ADGB: variants seen among roughly 807,000 people sequenced by gnomAD.
The protein encoded by ADGB is androglobin, also known as calpain-7-like protein.
A neutral mutation model predicts 210.5 loss-of-function variants in ADGB; 172 were observed. That is an observed-to-expected ratio of 0.82 (90% CI 0.72 to 0.93). ADGB has a LOEUF of 0.93. Ranked by LOEUF, ADGB falls within the 40% of genes least tolerant of loss-of-function variation. ADGB has a pLI of 0.00. For synonymous variants in ADGB, 658 were observed against 662.7 expected, an observed-to-expected ratio of 0.99 and a Z score of 0.11; for missense variants, 2,025 against 1,964.8, an observed-to-expected ratio of 1.03 and a Z score of -0.58.
chr6:146,727,985 T>C (rs1776922222), intron 19 of ADGB, among the ~76,000 whole-genome samples: 1 of 152,154 alleles, frequency 6.6e-6, no homozygotes, highest in Admixed American at 6.5e-5. Flanking sequence ...GTTGTTTTGT[T>C]TTGTTTTGTT....
chr6:146,656,824 A>G lies in ADGB; in HGVS notation c.456A>G (p.Gly152=). Residue 152 remains glycine, a synonymous_variant, in exon 5 of 36, where the codon GGA becomes GGG. Coordinates refer to ENST00000397944, the MANE Select transcript of ADGB (RefSeq NM_024694.4). The part of the protein sequence containing the change: ...EIYAVWKIFN[G]GILSNYFKGT... The stretch of plus-strand genomic sequence containing the variant: ...ATGCAGTGTGGAAGATCTTCAATGG[A>G]GGAATTTTGAGCAATTATTTTAAGG... 6.4e-7 allele frequency: 1 copy of G among 1,551,352 alleles called. No homozygotes were observed.
At chr6:146,739,969 G>C (rs749916269) in intron 23 of ADGB, among the ~76,000 whole-genome samples, 1 of 152,156 alleles carries the variant, frequency 6.6e-6, no homozygotes, top group Non-Finnish European at 1.5e-5. Context: ...CATGCAGGAG[G>C]AAAGCCAGCA....
intron 1 of ADGB, among the ~76,000 whole-genome samples, chr6:146,629,396 A>G: frequency 6.6e-6 from 1 of 152,164 alleles, no homozygotes; most frequent in South Asian, 2.1e-4. Flanking sequence ...CTAGTAGGAG[A>G]CACCTCTAAT....
At position 146,773,325 on chromosome 6, in the gene ADGB, G is replaced by T. The variant is rs1777680106; in HGVS notation, c.3862+4194G>T. Among the ~76,000 whole-genome samples, 5 of 152,136 alleles carry T rather than the reference G, an allele frequency of 3.3e-5. No homozygotes were observed. In the South Asian group the frequency reaches 1.0e-3, roughly 32 times the overall value. On this transcript the variant is annotated intron_variant, in intron 29 of 35. Transcript: ENST00000397944. ...ATACCAATTAAAGTAATTAGTTCTG[G>T]ATGTTGAAATTATTAGTAATTTTAC...
chr6:146,750,491 G>C (rs544581257), intron 26 of ADGB, among the ~76,000 whole-genome samples: 1 of 152,196 alleles, frequency 6.6e-6, no homozygotes, highest in African/African-American at 2.4e-5. Flanking sequence ...CCAGGAGTTT[G>C]AGGTGCAGTG....
chr6:146,801,728 C>T, intron 34 of ADGB, 100 bp from the exon 35 acceptor site: 1 of 1,028,472 alleles, frequency 9.7e-7, no homozygotes, highest in Admixed American at 3.3e-5. Flanking sequence ...CTCAGACCAC[C>T]ACACTGTTGA....
chr6:146,649,419 A>G (rs938323719), intron 3 of ADGB, among the ~76,000 whole-genome samples: 8 of 152,120 alleles, frequency 5.3e-5, no homozygotes, highest in African/African-American at 1.9e-4. Context: ...GCAAAGGCAA[A>G]CAAACATAAA....
At chr6:146,808,289 C>A (rs1181720200) in intron 35 of ADGB, among the ~76,000 whole-genome samples, 1 of 152,172 alleles carries the variant, frequency 6.6e-6, no homozygotes, top group Non-Finnish European at 1.5e-5. Context: ...CGTGAGCCAC[C>A]ACTTTGGGCC....
At chr6:146,652,314 A>G (rs1775713520) in intron 3 of ADGB, among the ~76,000 whole-genome samples, 1 of 152,170 alleles carries the variant, frequency 6.6e-6, no homozygotes, top group East Asian at 1.9e-4. Context: ...GCATTTGAGA[A>G]GCGTTCCATC....
At chr6:146,811,748 T>G (rs1316160205) in intron 35 of ADGB, among the ~76,000 whole-genome samples, 2 of 152,192 alleles carry the variant, frequency 1.3e-5, no homozygotes, top group African/African-American at 4.8e-5. Flanking sequence ...CTCAGCTCAC[T>G]GCAACCTCCA....
intron 13 of ADGB, among the ~76,000 whole-genome samples, chr6:146,707,457 T>G (rs1202830410): frequency 1.3e-5 from 2 of 152,166 alleles, no homozygotes; most frequent in African/African-American, 2.4e-5. Flanking sequence ...TATTATTGTA[T>G]TGCAGTCTCT....
intron 35 of ADGB, among the ~76,000 whole-genome samples, chr6:146,804,608 A>G (rs1583647907): frequency 6.6e-6 from 1 of 152,172 alleles, no homozygotes; most frequent in Non-Finnish European, 1.5e-5. Flanking sequence ...GAACCTCTCG[A>G]CTCTACCTTG....
chr6:146,733,337 T>TA, intron 21 of ADGB, 82 bp downstream of exon 21: 1 of 1,295,152 alleles, frequency 7.7e-7, no homozygotes, highest in Non-Finnish European at 1.0e-6. Context: ...GTTTGTGGAG[T>TA]AAGTGGAATA....
intron 10 of ADGB, among the ~76,000 whole-genome samples, chr6:146,687,458 G>A (rs909004154): frequency 6.6e-6 from 1 of 152,020 alleles, no homozygotes; most frequent in African/African-American, 2.4e-5. Context: ...GGAATACTAC[G>A]CAGCCATAAA....
chr6:146,775,276 A>G (rs1194110345), intron 29 of ADGB, among the ~76,000 whole-genome samples: 2 of 152,138 alleles, frequency 1.3e-5, no homozygotes, highest in East Asian at 1.9e-4. Context: ...TCAAAAATTC[A>G]TGTCTTTATA....
At chr6:146,732,360 C>T (rs1777000132) in intron 20 of ADGB, among the ~76,000 whole-genome samples, 1 of 152,116 alleles carries the variant, frequency 6.6e-6, no homozygotes, top group Admixed American at 6.6e-5. Flanking sequence ...AAGTAACTGA[C>T]TGGACTTCTC....
chr6:146,691,445 A>ATATATATATATATAAAT (rs1419237911), intron 11 of ADGB, among the ~76,000 whole-genome samples, 155 bp downstream of exon 11: 2 of 16,440 alleles, frequency 1.2e-4, no homozygotes, highest in African/African-American at 5.8e-4. Context: ...TATATATAAA[A>ATATATATATATATAAAT]ATATATATAT....
Position 146,635,379 on chromosome 6 carries a change from T to C in ADGB, c.79T>C (p.Tyr27His), listed in dbSNP as rs1775403068. The C allele has an allele frequency of 1.3e-6, 2 of 1,508,676 alleles. No individual in the cohort carries two copies. The highest frequency in any genetic ancestry group is 1.7e-4 in the Middle Eastern group (1 of 5,774). The allele number at this position is 1,508,676 out of a possible 1,614,324, so 93.5% of individuals were successfully genotyped here. Residue 27 changes from tyrosine (Y) to histidine (H), a missense_variant, in exon 2 of 36, where the codon TAT (tyrosine) becomes CAT (histidine). Physicochemically the swap from Tyr to His is moderately conservative, Grantham distance 83. Coordinates refer to ENST00000397944, the MANE Select transcript of ADGB (RefSeq NM_024694.4). ...CCACTCTCTGTCTCTGTCTAGTTTC[T>C]ATCCTTTTGGCAGTAATGTACAATC... is the stretch of plus-strand genomic sequence containing the variant. ...AHGSDKSKDF[Y>H]PFGSNVQSGS...
chr6:146,770,401 T>C (rs118169916), intron 29 of ADGB: 3,114 of 218,706 alleles, frequency 0.014, 39 homozygotes, highest in Non-Finnish European at 0.024. Flanking sequence ...CCATTTCCAC[T>C]CAAATGTATT....
Sources: gnomAD v4.1 joint callset for allele counts (sites outside exome capture counted in the v4.1 genomes callset) on GRCh38, gnomAD v4.1.1 for gene constraint, MANE v1.5 for transcripts, NCBI Gene and HGNC (gene_info 2026-07-23, HGNC 2026-07-21) for gene names.